WASL: variants seen among roughly 807,000 people sequenced by gnomAD.
The protein encoded by WASL is WASP like actin nucleation promoting factor.
Under a neutral mutation model 55.5 loss-of-function variants are expected in WASL, and 20 were observed. The ratio of observed to expected loss-of-function variants is 0.36; its 90% CI spans 0.25 to 0.52. WASL has a LOEUF of 0.52. WASL is among the 20% of genes least tolerant of loss of function. WASL has a pLI of 0.92. For synonymous variants in WASL, 249 were observed against 217.6 expected (o/e 1.14, Z -1.27); for missense variants, 504 against 622.5 (o/e 0.81, Z 2.03).
At chr7:123,690,966 G>C (rs188880081) in intron 9 of WASL, among the ~76,000 whole-genome samples, 2 of 152,246 alleles carry the variant, frequency 1.3e-5, no homozygotes, top group African/African-American at 2.4e-5. Context: ...CAGGCCTTTA[G>C]TCTGATCTAA....
At chr7:123,746,761 A>G (rs889081296) in intron 1 of WASL, among the ~76,000 whole-genome samples, 4 of 152,204 alleles carry the variant, frequency 2.6e-5, no homozygotes, top group Non-Finnish European at 5.9e-5. Flanking sequence ...CTATCACAGT[A>G]TTTTTCCCCA....
At chr7:123,697,735 T>C (rs191910401) in intron 5 of WASL, among the ~76,000 whole-genome samples, 92 of 152,332 alleles carry the variant, frequency 6.0e-4, no homozygotes, top group Non-Finnish European at 1.1e-3. Flanking sequence ...ACTTGCAAGG[T>C]TGGCCCTCAG....
chr7:123,706,458 A>G, intron 3 of WASL, 85 bp from the exon 4 acceptor site: 2 of 1,291,714 alleles, frequency 1.5e-6, no homozygotes, highest in African/African-American at 1.5e-5. Context: ...AAAGAAGTAT[A>G]TTTCTAAAGA....
intron 5 of WASL, among the ~76,000 whole-genome samples, chr7:123,699,315 T>C (rs1208911768): frequency 6.6e-6 from 1 of 152,018 alleles, no homozygotes; most frequent in Non-Finnish European, 1.5e-5. Flanking sequence ...GAGGCAGAGG[T>C]TGCAGTGGGC....
At chr7:123,729,628 T>C (rs1446608971) in intron 1 of WASL, among the ~76,000 whole-genome samples, 4 of 152,170 alleles carry the variant, frequency 2.6e-5, no homozygotes, top group Admixed American at 6.6e-5. Context: ...TAAAAATCAA[T>C]CTACAATGTA....
chr7:123,691,671 G>A (rs1803410905), intron 9 of WASL, among the ~76,000 whole-genome samples: 1 of 152,164 alleles, frequency 6.6e-6, no homozygotes, highest in Non-Finnish European at 1.5e-5. Context: ...CTGAACTCTA[G>A]AAGATTAAAT....
In WASL at chr7:123,723,237, C is replaced by T. The variant is rs144564968; in HGVS notation, c.118-14014G>A. Among the ~76,000 whole-genome samples, 9 of 152,200 alleles carry T rather than the reference C, an allele frequency of 5.9e-5. No homozygotes were observed. In the East Asian group the frequency reaches 1.5e-3, roughly 26 times the overall value. ...GATCATTTTAAGGCTCTATTACTAG[C>T]CAACAGAAGCTAGTAATGAAAAGAC... On this transcript the variant is annotated intron_variant, in intron 1 of 10. Coordinates refer to ENST00000223023, the MANE Select transcript of WASL (RefSeq NM_003941.4).
intron 10 of WASL, among the ~76,000 whole-genome samples, chr7:123,688,207 G>T (rs1803328178): frequency 6.6e-6 from 1 of 151,930 alleles, no homozygotes; most frequent in Non-Finnish European, 1.5e-5. Context: ...AATAGGTACT[G>T]GTTTCTTCAA....
rs148761580 is a variant in WASL at position 123,693,628 on chromosome 7, T to C, written c.827-761A>G. Among the ~76,000 whole-genome samples, 1,303 of 152,340 alleles carry C rather than the reference T, an allele frequency of 8.6e-3. 12 individuals are homozygous for C. Among genetic ancestry groups the C allele is most frequent in the Middle Eastern group, 0.014 (4 of 294 alleles). On this transcript the variant is annotated intron_variant, in intron 8 of 10. Coordinates refer to ENST00000223023, the MANE Select transcript of WASL (RefSeq NM_003941.4). ...TACTATTATTCCAGTAGTCATGATATTAGCATTCTTATTCCACATCAGTGA... is the reference window on the plus strand; with the variant it reads ...TACTATTATTCCAGTAGTCATGATACTAGCATTCTTATTCCACATCAGTGA...
intron 2 of WASL, 104 bp from the exon 3 acceptor site, chr7:123,706,930 A>T: frequency 1.8e-6 from 1 of 568,976 alleles, no homozygotes. Flanking sequence ...TATTAAAAAT[A>T]ACTTTTAATG....
chr7:123,731,362 T>A (rs893865481), intron 1 of WASL, among the ~76,000 whole-genome samples: 4 of 152,168 alleles, frequency 2.6e-5, no homozygotes, highest in Non-Finnish European at 1.5e-5. Flanking sequence ...TCCTCTATTT[T>A]ACTTAGAGAC....
In WASL at chr7:123,735,835, GTCTAATATA is replaced by G. The variant is rs1348082207; in HGVS notation, c.117+12774_117+12782del. Reference sequence around the variant, plus strand: ...GTGAGGTATGGGACAACTTCAAGCAGTCTAATATATCTGAAACGCAGGGCCAGGGAAAGA... The same window carrying G: ...GTGAGGTATGGGACAACTTCAAGCAGTCTGAAACGCAGGGCCAGGGAAAGA... On this transcript the variant is annotated intron_variant, in intron 1 of 10. Transcript: ENST00000223023. Among the ~76,000 whole-genome samples, 3 of 152,074 alleles carry G rather than the reference GTCTAATATA, an allele frequency of 2.0e-5. No homozygotes were observed. In the East Asian group the frequency reaches 5.8e-4, roughly 29 times the overall value.
intron 1 of WASL, among the ~76,000 whole-genome samples, chr7:123,744,206 C>CTATAT (rs1804392811): frequency 1.3e-5 from 2 of 152,156 alleles, no homozygotes; most frequent in African/African-American, 4.8e-5. Flanking sequence ...CTGTTACCAC[C>CTATAT]TATATTAGTT....
intron 1 of WASL, among the ~76,000 whole-genome samples, chr7:123,716,672 G>C (rs772534760): frequency 6.6e-6 from 1 of 151,884 alleles, no homozygotes; most frequent in Non-Finnish European, 1.5e-5. Flanking sequence ...AGAGAAAGAG[G>C]GAGGCAGGAA....
chr7:123,737,439 T>C (rs1296273611), intron 1 of WASL, among the ~76,000 whole-genome samples: 2 of 151,752 alleles, frequency 1.3e-5, no homozygotes, highest in African/African-American at 4.8e-5. Context: ...CTACTAAAAA[T>C]ACAAAAGTTA....
Position 123,698,263 on chromosome 7 carries a change from A to G in WASL, c.461-1516T>C, listed in dbSNP as rs931785407. Among the ~76,000 whole-genome samples, 7 of 151,998 alleles carry G rather than the reference A, an allele frequency of 4.6e-5. No homozygotes were observed. The East Asian group carries it at 1.4e-3, about 29-fold the overall frequency. ...CAAATAGAAATCTCAAGGCTAATGT[A>G]TATTAGTTGATCCTTAAAATCCAAC... On this transcript the variant is annotated intron_variant, in intron 5 of 10. Transcript: ENST00000223023.
At chr7:123,730,662 G>A (rs1804122287) in intron 1 of WASL, among the ~76,000 whole-genome samples, 2 of 152,086 alleles carry the variant, frequency 1.3e-5, no homozygotes, top group South Asian at 2.1e-4. Context: ...AACAAAAACA[G>A]TTACAGTTGA....
intron 1 of WASL, among the ~76,000 whole-genome samples, chr7:123,745,909 C>T (rs1183603629): frequency 1.3e-5 from 2 of 152,152 alleles, no homozygotes; most frequent in Admixed American, 6.5e-5. Context: ...TTTTAAAAAG[C>T]TTTTAATCAT....
At chr7:123,742,489 C>T (rs949098579) in intron 1 of WASL, among the ~76,000 whole-genome samples, 3 of 152,168 alleles carry the variant, frequency 2.0e-5, no homozygotes, top group African/African-American at 7.2e-5. Context: ...AAGTCTACCA[C>T]TGAAACTAAA....
Sources: allele counts gnomAD v4.1 joint callset (sites outside exome capture counted in the v4.1 genomes callset), GRCh38; gene constraint gnomAD v4.1.1; transcripts MANE v1.5; gene names NCBI Gene and HGNC (gene_info 2026-07-23, HGNC 2026-07-21).